Variants in PHACTR1 observed in about 807,000 individuals in gnomAD.
The protein encoded by PHACTR1 is phosphatase and actin regulator 1, also known as RPEL repeat containing 1.
Under a neutral mutation model 69.2 loss-of-function variants are expected in PHACTR1, and 16 were observed. That is an observed-to-expected ratio of 0.23 (90% CI 0.16 to 0.35). The LOEUF (loss-of-function observed/expected upper bound fraction) is 0.35, where lower values mean the gene tolerates loss of function less well. Among genes scored for constraint, PHACTR1 ranks in the 10% least tolerant of loss-of-function variants. The pLI, the probability that PHACTR1 is intolerant of heterozygous loss-of-function variation, is 1.00. For synonymous variants in PHACTR1, 312 were observed against 284.5 expected (o/e 1.10, Z -0.97); for missense variants, 510 against 734.7 (o/e 0.69, Z 3.54).
chr6:13,060,203 C>T (rs1807467377), intron 5 of PHACTR1, among the ~76,000 whole-genome samples: 1 of 152,138 alleles, frequency 6.6e-6, no homozygotes. Context: ...ACTAGTGGCT[C>T]CACTCAACTA....
intron 5 of PHACTR1, among the ~76,000 whole-genome samples, chr6:13,133,951 C>T (rs1033833622): frequency 4.6e-5 from 7 of 151,874 alleles, no homozygotes; most frequent in African/African-American, 1.5e-4. Flanking sequence ...CCCGCCACCC[C>T]GTCTATGATG....
intron 3 of PHACTR1, among the ~76,000 whole-genome samples, chr6:12,731,980 T>TC (rs1255316392): frequency 6.6e-6 from 1 of 152,026 alleles, no homozygotes. Context: ...TTTTACCTTT[T>TC]TTTTTTTTTT....
At chr6:12,979,859 G>A (rs1382468000) in intron 4 of PHACTR1, among the ~76,000 whole-genome samples, 1 of 152,046 alleles carries the variant, frequency 6.6e-6, no homozygotes, top group East Asian at 1.9e-4. Context: ...TCATCCTTTC[G>A]TTGTTGAATA....
intron 5 of PHACTR1, among the ~76,000 whole-genome samples, chr6:13,150,665 T>G (rs535559225): frequency 3.1e-4 from 47 of 152,312 alleles, no homozygotes; most frequent in African/African-American, 9.4e-4. Context: ...ACAACCTTAT[T>G]TATTTTCTCA....
At chr6:13,007,747 C>T (rs1270213897) in intron 4 of PHACTR1, among the ~76,000 whole-genome samples, 3 of 150,440 alleles carry the variant, frequency 2.0e-5, no homozygotes, top group South Asian at 4.2e-4. Flanking sequence ...AGCAGTCTTC[C>T]GAAATAATGC....
At chr6:12,989,059 A>G (rs1055622820) in intron 4 of PHACTR1, among the ~76,000 whole-genome samples, 1 of 152,214 alleles carries the variant, frequency 6.6e-6, no homozygotes, top group African/African-American at 2.4e-5. Flanking sequence ...TTAACCACTC[A>G]AGATGAATAT....
At chr6:13,231,097 A>G (rs1420085772) in intron 10 of PHACTR1, among the ~76,000 whole-genome samples, 2 of 60,822 alleles carry the variant, frequency 3.3e-5, no homozygotes, top group African/African-American at 1.1e-4. Flanking sequence ...GAAGGAAGGA[A>G]GGGAAAAGAA....
At chr6:13,044,458 C>T (rs1184931786) in intron 4 of PHACTR1, among the ~76,000 whole-genome samples, 2 of 152,194 alleles carry the variant, frequency 1.3e-5, no homozygotes, top group African/African-American at 2.4e-5. Context: ...GTCTCATTGC[C>T]TGGCCAAGCT....
Position 13,287,310 on chromosome 6 carries a change from A to AC in PHACTR1, c.*232_*233insC, listed in dbSNP as rs1781878756. ...CACTTCTGACACCAAAATGCATCCC[A>AC]ACCCCCGGCAGTGCCAAGGGCACCA... On this transcript the variant is annotated 3_prime_UTR_variant, in exon 15 of 15. Coordinates refer to ENST00000332995, the MANE Select transcript of PHACTR1 (RefSeq NM_030948.6). 1 of 549,664 alleles carries AC rather than the reference A, an allele frequency of 1.8e-6. No individual in the cohort carries two copies. Among genetic ancestry groups the AC allele is most frequent in the African/African-American group, 2.5e-5 (1 of 40,406 alleles). 34.0% of individuals were successfully genotyped at this position (549,664 alleles called of 1,614,324 possible). A position where few individuals can be genotyped will look rare whatever the true frequency, so the allele number is the denominator to read the frequency against.
At chr6:13,057,025 G>C (rs1275793841) in intron 5 of PHACTR1, among the ~76,000 whole-genome samples, 1 of 152,150 alleles carries the variant, frequency 6.6e-6, no homozygotes, top group Admixed American at 6.5e-5. Context: ...ACGAAGAGAA[G>C]TTGGTTAATG....
intron 9 of PHACTR1, among the ~76,000 whole-genome samples, chr6:13,229,522 T>G (rs1015817001): frequency 6.6e-6 from 1 of 152,060 alleles, no homozygotes; most frequent in African/African-American, 2.4e-5. Context: ...TCCGCCTACC[T>G]TTTTTCTCCT....
chr6:13,208,852 A>G (rs1171518000), intron 8 of PHACTR1, among the ~76,000 whole-genome samples: 2 of 152,194 alleles, frequency 1.3e-5, no homozygotes, highest in Admixed American at 1.3e-4. Flanking sequence ...ATTTAGACCA[A>G]TGGGTAGATC....
rs746712424 is a variant in PHACTR1, at chr6:13,283,669, G to A, written c.1650+107G>A. 17 of 1,537,744 alleles carry A rather than the reference G, an allele frequency of 1.1e-5. No individual in the cohort carries two copies. Among genetic ancestry groups the A allele is most frequent in the African/African-American group, 2.7e-5 (2 of 73,416 alleles). On this transcript the variant is annotated intron_variant, in intron 13 of 14. Transcript: ENST00000332995. This position sits in a 1 kb window ranked among gnomAD's most constrained non-coding sequence, Gnocchi z 4.7. The stretch of plus-strand genomic sequence containing the variant: ...GGAGACCTGCAGCCAGGCCTCAGCC[G>A]CAGTCCCCATAATGGAGTGTTGAGA...
chr6:13,202,668 G>A (rs1583903525), intron 7 of PHACTR1, among the ~76,000 whole-genome samples: 1 of 152,066 alleles, frequency 6.6e-6, no homozygotes, highest in African/African-American at 2.4e-5. Flanking sequence ...GTAGAGACGG[G>A]GTTTCACCAT....
At chr6:13,267,605 A>G (rs1776940013) in intron 10 of PHACTR1, 1 of 152,118 alleles carries the variant, frequency 6.6e-6, no homozygotes, top group African/African-American at 2.4e-5. Flanking sequence ...ATTTTATTAC[A>G]TGCCAGTCCT....
chr6:13,075,247 T>C (rs1390211546), intron 5 of PHACTR1, among the ~76,000 whole-genome samples: 1 of 152,192 alleles, frequency 6.6e-6, no homozygotes, highest in Non-Finnish European at 1.5e-5. Flanking sequence ...GAACTATTCA[T>C]ATAGTCTCAT....
Position 13,278,264 on chromosome 6 carries a change from T to C in PHACTR1, c.1448-4T>C. 1 of 1,583,478 alleles carries C rather than the reference T, an allele frequency of 6.3e-7. No homozygotes were observed. The highest frequency in any genetic ancestry group is 1.2e-5 in the South Asian group (1 of 86,560). Reference sequence around the variant, plus strand: ...TAAAAAAACATCTTAAATATTTTTTTTAGCTCGGAATGAACAAGAGGAACA... The same window carrying C: ...TAAAAAAACATCTTAAATATTTTTTCTAGCTCGGAATGAACAAGAGGAACA... On this transcript the variant is annotated splice_polypyrimidine_tract_variant and splice_region_variant and intron_variant, in intron 11 of 14. Transcript: ENST00000332995.
intron 5 of PHACTR1, among the ~76,000 whole-genome samples, chr6:13,082,792 G>A (rs1173492597): frequency 2.0e-5 from 3 of 151,930 alleles, no homozygotes; most frequent in Admixed American, 1.3e-4. Flanking sequence ...TTTTGATGGG[G>A]TTGTTTTTTT....
chr6:13,056,871 G>A (rs1268619127), intron 5 of PHACTR1, among the ~76,000 whole-genome samples: 1 of 152,158 alleles, frequency 6.6e-6, no homozygotes, highest in African/African-American at 2.4e-5. Context: ...ATTAGATAAT[G>A]AGAATTATCT....
Sources: allele counts gnomAD v4.1 joint callset (sites outside exome capture counted in the v4.1 genomes callset), GRCh38; gene constraint gnomAD v4.1.1; non-coding constraint Gnocchi (gnomAD v3.1); transcripts MANE v1.5; gene names NCBI Gene and HGNC (gene_info 2026-07-23, HGNC 2026-07-21).